The following MARCHF1 variants were observed in gnomAD, a reference collection of about 807,000 sequenced individuals.
MARCHF1 encodes membrane associated ring-CH-type finger 1.
In MARCHF1, 40 loss-of-function variants were observed where a neutral mutation model predicts 54.2. That is an observed-to-expected ratio of 0.74 (90% CI 0.57 to 0.96). MARCHF1 has a LOEUF of 0.96. Among genes scored for constraint, MARCHF1 ranks in the 40% least tolerant of loss-of-function variants. The pLI is 0.00. For synonymous variants in MARCHF1, 236 were observed against 236.3 expected (o/e 1.00, Z 0.01); for missense variants, 586 against 656.5 (o/e 0.89, Z 1.17).
At chr4:164,214,854 A>C (rs1205596456) in intron 1 of MARCHF1, among the ~76,000 whole-genome samples, 1 of 152,094 alleles carries the variant, frequency 6.6e-6, no homozygotes, top group Non-Finnish European at 1.5e-5. Context: ...CTGACACTTG[A>C]AATTGAAACG....
chr4:163,848,033 T>G (rs1749535846), intron 4 of MARCHF1, among the ~76,000 whole-genome samples: 1 of 152,240 alleles, frequency 6.6e-6, no homozygotes, highest in Admixed American at 6.5e-5. Context: ...ATTATCTGTT[T>G]GAATAATGAA....
chr4:163,610,539 T>A (rs1044613155), intron 7 of MARCHF1, among the ~76,000 whole-genome samples: 1 of 152,122 alleles, frequency 6.6e-6, no homozygotes, highest in Non-Finnish European at 1.5e-5. Context: ...ACTAGCTTCT[T>A]TGACTGTCTT....
chr4:164,348,415 C>T (rs888822830), intron 1 of MARCHF1, among the ~76,000 whole-genome samples: 4 of 152,092 alleles, frequency 2.6e-5, no homozygotes, highest in African/African-American at 9.7e-5. Context: ...TGGAATTTAT[C>T]TAATCCAAAC....
At chr4:164,286,851 G>A (rs942139823) in intron 1 of MARCHF1, among the ~76,000 whole-genome samples, 7 of 149,990 alleles carry the variant, frequency 4.7e-5, no homozygotes, top group African/African-American at 1.7e-4. Flanking sequence ...GGAAGCTTAT[G>A]AGTATTTAAA....
At chr4:164,345,134 T>G (rs1198259572) in intron 1 of MARCHF1, among the ~76,000 whole-genome samples, 1 of 152,172 alleles carries the variant, frequency 6.6e-6, no homozygotes, top group Non-Finnish European at 1.5e-5. Flanking sequence ...AAGGAGAATA[T>G]TAAAAATTCC....
chr4:164,324,570 T>A (rs1362724859), intron 1 of MARCHF1, among the ~76,000 whole-genome samples: 1 of 151,468 alleles, frequency 6.6e-6, no homozygotes, highest in African/African-American at 2.4e-5. Context: ...TCAATAAAGT[T>A]CTGAATGAAA....
chr4:163,552,747 C>T (rs932576163), intron 8 of MARCHF1, among the ~76,000 whole-genome samples: 1 of 152,132 alleles, frequency 6.6e-6, no homozygotes, highest in East Asian at 1.9e-4. Flanking sequence ...AATGAGGGCT[C>T]TGGGGGCCTG....
At chr4:164,044,513 T>C (rs1202795986) in intron 2 of MARCHF1, among the ~76,000 whole-genome samples, 2 of 152,144 alleles carry the variant, frequency 1.3e-5, no homozygotes, top group Non-Finnish European at 2.9e-5. Flanking sequence ...TATCAGGCCC[T>C]TCTTCCAATT....
At chr4:164,187,910 T>C (rs1731014401) in intron 1 of MARCHF1, among the ~76,000 whole-genome samples, 1 of 152,136 alleles carries the variant, frequency 6.6e-6, no homozygotes, top group Non-Finnish European at 1.5e-5. Flanking sequence ...AAATCTCAAA[T>C]TGGAAAATCT....
intron 3 of MARCHF1, among the ~76,000 whole-genome samples, chr4:163,958,292 T>C (rs980134239): frequency 1.3e-5 from 2 of 151,758 alleles, no homozygotes; most frequent in South Asian, 2.1e-4. Flanking sequence ...GCATTTATCA[T>C]CTGACTTAAT....
At chr4:163,908,841 G>A (rs936585746) in intron 3 of MARCHF1, among the ~76,000 whole-genome samples, 2 of 152,032 alleles carry the variant, frequency 1.3e-5, no homozygotes, top group Non-Finnish European at 2.9e-5. Context: ...ATTCCAACCA[G>A]GCATATTTAA....
At chr4:163,727,136 T>C (rs1745680713) in intron 4 of MARCHF1, among the ~76,000 whole-genome samples, 1 of 152,170 alleles carries the variant, frequency 6.6e-6, no homozygotes, top group African/African-American at 2.4e-5. Flanking sequence ...TAGAAAGTCA[T>C]CACCAAACCT....
intron 1 of MARCHF1, among the ~76,000 whole-genome samples, chr4:164,187,872 C>G (rs1414103488): frequency 6.6e-6 from 1 of 152,166 alleles, no homozygotes; most frequent in African/African-American, 2.4e-5. Flanking sequence ...TTTTGCATGT[C>G]ACTTTCCCCA....
chr4:164,248,760 G>T (rs956841067), intron 1 of MARCHF1, among the ~76,000 whole-genome samples: 1 of 151,754 alleles, frequency 6.6e-6, no homozygotes, highest in Non-Finnish European at 1.5e-5. Context: ...TATATTACTG[G>T]CAACATCTCA....
chr4:163,835,875 TTTTTC>T (rs1168842947), intron 4 of MARCHF1, among the ~76,000 whole-genome samples: 2 of 152,196 alleles, frequency 1.3e-5, no homozygotes, highest in Non-Finnish European at 2.9e-5. Context: ...ATAGATTGTT[TTTTTC>T]TTTCTTTATT....
intron 1 of MARCHF1, among the ~76,000 whole-genome samples, chr4:164,149,525 A>G (rs545257009): frequency 6.6e-6 from 1 of 152,298 alleles, no homozygotes; most frequent in African/African-American, 2.4e-5. Context: ...TTCTCGAGAA[A>G]TGACTGCTTT....
Position 163,547,662 on chromosome 4 carries a change from A to G in MARCHF1, c.1192-1919T>C, listed in dbSNP as rs111921917. 4.0e-3 allele frequency among the ~76,000 whole-genome samples: 602 copies of G among 152,364 alleles called. 3 individuals carry two copies. The highest frequency in any genetic ancestry group is 6.8e-3 in the Middle Eastern group (2 of 294). ...TGCTGTCAAATGCAATTATTGGTAA[A>G]AGAATTAAATAGATACTTCCTAGCT... On this transcript the variant is annotated intron_variant, in intron 8 of 9. Coordinates refer to ENST00000514618, the MANE Select transcript of MARCHF1 (RefSeq NM_001394959.1).
chr4:163,556,491 C>G (rs942165967), intron 8 of MARCHF1, among the ~76,000 whole-genome samples: 4 of 151,940 alleles, frequency 2.6e-5, no homozygotes, highest in African/African-American at 9.7e-5. Flanking sequence ...TTCTTACATC[C>G]TATTTGCACT....
At chr4:164,014,753 G>A (rs1326378344) in intron 2 of MARCHF1, among the ~76,000 whole-genome samples, 1 of 151,872 alleles carries the variant, frequency 6.6e-6, no homozygotes, top group Admixed American at 6.6e-5. Flanking sequence ...AATTACATCA[G>A]ACAAAACATA....
Sources: allele counts gnomAD v4.1 joint callset (sites outside exome capture counted in the v4.1 genomes callset), GRCh38; gene constraint gnomAD v4.1.1; transcripts MANE v1.5; gene names NCBI Gene and HGNC (gene_info 2026-07-23, HGNC 2026-07-21).